IL15: variants seen among roughly 807,000 people sequenced by gnomAD.
The protein encoded by IL15 is interleukin-15.
IL15 carries 11 observed loss-of-function variants against 19.6 expected under a neutral mutation model. The ratio of observed to expected loss-of-function variants is 0.56; its 90% CI spans 0.35 to 0.93. The LOEUF (loss-of-function observed/expected upper bound fraction) is 0.93. IL15 is among the 40% of genes least tolerant of loss of function. The probability of loss-of-function intolerance (pLI) is 0.01; values close to 1 mark genes in which losing one functional copy is unlikely to be tolerated. For synonymous variants in IL15, 58 were observed against 59.6 expected (o/e 0.97, Z 0.12); for missense variants, 197 against 186.5 (o/e 1.06, Z -0.33).
At chr4:141,698,767 T>G (rs573097272) in intron 2 of IL15, among the ~76,000 whole-genome samples, 1 of 152,016 alleles carries the variant, frequency 6.6e-6, no homozygotes, top group Non-Finnish European at 1.5e-5. Flanking sequence ...TTTTGTTTAT[T>G]TTTTCAAAGA....
chr4:141,694,463 C>T (rs1246842336), intron 2 of IL15, among the ~76,000 whole-genome samples: 1 of 152,110 alleles, frequency 6.6e-6, no homozygotes, highest in African/African-American at 2.4e-5. Context: ...TTAACCAGGT[C>T]AGATACTTTA....
At position 141,732,894 on chromosome 4, in the gene IL15, ACT is replaced by A; in HGVS notation, c.*49_*50del. 6.3e-7 allele frequency: 1 copy of A among 1,588,564 alleles called. No homozygotes were observed. Among genetic ancestry groups the A allele is most frequent in the Non-Finnish European group, 8.5e-7 (1 of 1,170,666 alleles). ...AGTGTTTCTGTTATTAACAAACATCACTCTGCTGCTTAGACATAACAAAACAC... is the reference window on the plus strand; with the variant it reads ...AGTGTTTCTGTTATTAACAAACATCACTGCTGCTTAGACATAACAAAACAC... On this transcript the variant is annotated 3_prime_UTR_variant, in exon 8 of 8. Transcript: ENST00000320650.
At chr4:141,729,651 T>A (rs1273270453) in intron 6 of IL15, among the ~76,000 whole-genome samples, 196 bp from the exon 7 acceptor site, 1 of 152,144 alleles carries the variant, frequency 6.6e-6, no homozygotes, top group African/African-American at 2.4e-5. Flanking sequence ...TTCTTGATTG[T>A]GTTTTGTTGG....
At chr4:141,690,495 A>G (rs1329906891) in intron 2 of IL15, among the ~76,000 whole-genome samples, 1 of 152,196 alleles carries the variant, frequency 6.6e-6, no homozygotes, top group African/African-American at 2.4e-5. Flanking sequence ...TGTCCTGCAT[A>G]TCCAGACAGC....
At chr4:141,652,616 T>C (rs1313697042) in intron 1 of IL15, among the ~76,000 whole-genome samples, 1 of 152,092 alleles carries the variant, frequency 6.6e-6, no homozygotes, top group East Asian at 1.9e-4. Context: ...ATACATTTCA[T>C]GTGAAGCTAA....
At chr4:141,652,431 T>A (rs1434799665) in intron 1 of IL15, among the ~76,000 whole-genome samples, 2 of 152,240 alleles carry the variant, frequency 1.3e-5, no homozygotes, top group East Asian at 1.9e-4. Context: ...AGTTGCCAAA[T>A]AAACTTTATT....
intron 2 of IL15, among the ~76,000 whole-genome samples, chr4:141,666,410 C>T (rs1283904171): frequency 2.0e-5 from 3 of 152,174 alleles, no homozygotes; most frequent in Non-Finnish European, 2.9e-5. Context: ...GCCTGGAGGG[C>T]GGTGGCACAA....
chr4:141,722,234 G>A (rs938493393), intron 5 of IL15, among the ~76,000 whole-genome samples: 19 of 152,150 alleles, frequency 1.2e-4, no homozygotes, highest in Non-Finnish European at 2.5e-4. Context: ...GTTCTAGTCT[G>A]CACAGGTGAG....
intron 2 of IL15, among the ~76,000 whole-genome samples, chr4:141,662,278 C>T (rs985730833): frequency 6.6e-6 from 1 of 152,206 alleles, no homozygotes; most frequent in Non-Finnish European, 1.5e-5. Context: ...TGTATTCTAT[C>T]AGCTTTTGAA....
intron 2 of IL15, among the ~76,000 whole-genome samples, chr4:141,674,660 A>G (rs1728281837): frequency 6.6e-6 from 1 of 152,180 alleles, no homozygotes; most frequent in Admixed American, 6.5e-5. Flanking sequence ...CAGTAACAGC[A>G]TATTAATTTA....
At chr4:141,687,435 A>C (rs1160284520) in intron 2 of IL15, among the ~76,000 whole-genome samples, 1 of 152,196 alleles carries the variant, frequency 6.6e-6, no homozygotes, top group Non-Finnish European at 1.5e-5. Context: ...CATCTGCTGC[A>C]AACTCAGGAT....
At chr4:141,663,481 T>C (rs1283498478) in intron 2 of IL15, among the ~76,000 whole-genome samples, 1 of 152,208 alleles carries the variant, frequency 6.6e-6, no homozygotes, top group Non-Finnish European at 1.5e-5. Context: ...ACTGGTCTTT[T>C]TGGAATGTTT....
intron 3 of IL15, among the ~76,000 whole-genome samples, chr4:141,719,950 G>A (rs1407430088): frequency 1.3e-5 from 2 of 152,072 alleles, no homozygotes; most frequent in African/African-American, 4.8e-5. Flanking sequence ...AAGATTATTA[G>A]TCACTCTCAA....
At chr4:141,682,786 C>G (rs992832627) in intron 2 of IL15, among the ~76,000 whole-genome samples, 1 of 151,942 alleles carries the variant, frequency 6.6e-6, no homozygotes, top group Non-Finnish European at 1.5e-5. Context: ...GAAACCCGGT[C>G]TCTACTAAAA....
chr4:141,702,342 G>A (rs537092523), intron 2 of IL15, among the ~76,000 whole-genome samples: 1 of 152,320 alleles, frequency 6.6e-6, no homozygotes, highest in South Asian at 2.1e-4. Context: ...TAGCCACCCA[G>A]TAGGGCTACC....
At chr4:141,650,679 C>T (rs2152155682) in intron 1 of IL15, among the ~76,000 whole-genome samples, 1 of 152,086 alleles carries the variant, frequency 6.6e-6, no homozygotes, top group Admixed American at 6.6e-5. Context: ...GAGAAAATCC[C>T]TTTGGTGTTG....
intron 2 of IL15, among the ~76,000 whole-genome samples, chr4:141,690,290 G>C (rs150506834): frequency 0.11 from 17,253 of 152,190 alleles, 1,094 homozygotes; most frequent in Non-Finnish European, 0.15. Flanking sequence ...CTTGGCCAGC[G>C]CAGAAAGGGG....
intron 2 of IL15, chr4:141,688,926 G>A (rs1354696000): frequency 6.5e-6 from 1 of 153,594 alleles, no homozygotes; most frequent in East Asian, 1.9e-4. Flanking sequence ...AGCTCTTAAG[G>A]TGGCGCATCT....
At chr4:141,646,984 G>A (rs928971196) in intron 1 of IL15, among the ~76,000 whole-genome samples, 1 of 152,062 alleles carries the variant, frequency 6.6e-6, no homozygotes, top group African/African-American at 2.4e-5. Context: ...ATGAATGAGG[G>A]AATGAATGGA....
Sources: gnomAD v4.1 joint callset for allele counts (sites outside exome capture counted in the v4.1 genomes callset) on GRCh38, gnomAD v4.1.1 for gene constraint, MANE v1.5 for transcripts, NCBI Gene and HGNC (gene_info 2026-07-23, HGNC 2026-07-21) for gene names.